The following IL1RAPL1 variants were observed in gnomAD, a reference collection of about 807,000 sequenced individuals.
IL1RAPL1 encodes interleukin-1 receptor accessory protein-like 1.
In IL1RAPL1, 3 loss-of-function variants were observed where a neutral mutation model predicts 48.4. The ratio of observed to expected loss-of-function variants is 0.06; its 90% CI spans 0.03 to 0.16. The LOEUF is 0.16. Among genes scored for constraint, IL1RAPL1 ranks in the 10% least tolerant of loss-of-function variants. The probability of loss-of-function intolerance (pLI) is 1.00; values close to 1 mark genes in which losing one functional copy is unlikely to be tolerated. For missense variants in IL1RAPL1, 349 were observed against 530.6 expected, an observed-to-expected ratio of 0.66 and a Z score of 3.36; for synonymous variants, 185 against 187.7, an observed-to-expected ratio of 0.99 and a Z score of 0.12.
intron 2 of IL1RAPL1, among the ~76,000 whole-genome samples, chrX:29,255,911 A>G (rs1569271042): frequency 8.9e-6 from 1 of 111,733 alleles, no homozygotes; most frequent in African/African-American, 3.3e-5. Context: ...CAGTGCTGCA[A>G]TAAACATATG....
At chrX:29,107,661 T>G (rs1928474806) in intron 2 of IL1RAPL1, among the ~76,000 whole-genome samples, 1 of 112,107 alleles carries the variant, frequency 8.9e-6, no homozygotes, top group African/African-American at 3.2e-5. Flanking sequence ...TTTTAAAGGA[T>G]CCACAGAAGG....
chrX:29,530,537 G>A (rs1185603968), intron 5 of IL1RAPL1, among the ~76,000 whole-genome samples: 1 of 111,820 alleles, frequency 8.9e-6, no homozygotes, highest in Non-Finnish European at 1.9e-5. Context: ...GACCCCCATC[G>A]GTCATTGACT....
At chrX:29,520,694 C>T (rs1207962769) in intron 5 of IL1RAPL1, among the ~76,000 whole-genome samples, 3 of 111,235 alleles carry the variant, frequency 2.7e-5, no homozygotes, top group African/African-American at 9.8e-5. Flanking sequence ...GTTCTTGCTC[C>T]CAAATAACAA....
chrX:28,589,245 G>A (rs778306690), intron 1 of IL1RAPL1, among the ~76,000 whole-genome samples: 21 of 111,195 alleles, frequency 1.9e-4, no homozygotes, highest in Non-Finnish European at 3.4e-4. Flanking sequence ...GTGCATAATC[G>A]GTGATTATGT....
At chrX:29,584,165 A>ATACT (rs1452998368) in intron 5 of IL1RAPL1, among the ~76,000 whole-genome samples, 29 of 111,012 alleles carry the variant, frequency 2.6e-4, no homozygotes, top group Admixed American at 1.9e-4. Context: ...GTATGTAACC[A>ATACT]CTGTCCATAC....
intron 5 of IL1RAPL1, among the ~76,000 whole-genome samples, chrX:29,428,023 A>G (rs2147709506): frequency 8.9e-6 from 1 of 112,311 alleles, no homozygotes; most frequent in Non-Finnish European, 1.9e-5. Context: ...TTAGCTTGTG[A>G]GTTTAGAAGC....
intron 1 of IL1RAPL1, among the ~76,000 whole-genome samples, chrX:28,765,076 T>C (rs1936220141): frequency 9.6e-6 from 1 of 104,047 alleles, no homozygotes; most frequent in South Asian, 4.4e-4. Context: ...CACCACATGT[T>C]CTCACTCATA....
Position 29,356,546 on chromosome X carries a change from G to A in IL1RAPL1, c.363-39712G>A, listed in dbSNP as rs1282688946. On this transcript the variant is annotated intron_variant, in intron 3 of 10. Coordinates refer to ENST00000378993, the MANE Select transcript of IL1RAPL1 (RefSeq NM_014271.4). ...ATATTTTGTGCATATATACACACAC[G>A]TGCGTATGTATGTGTGACACATACA... Among the ~76,000 whole-genome samples the A allele has an allele frequency of 6.2e-5, 5 of 80,458 alleles. No homozygotes were observed. The South Asian group carries it at 2.3e-3, about 36-fold the overall frequency. 69.9% of individuals were successfully genotyped at this position (80,458 alleles called of 115,157 possible). A position where few individuals can be genotyped will look rare whatever the true frequency, so the allele number is the denominator to read the frequency against.
intron 5 of IL1RAPL1, among the ~76,000 whole-genome samples, chrX:29,421,683 G>A (rs1338388973): frequency 4.5e-5 from 5 of 111,700 alleles, no homozygotes; most frequent in African/African-American, 1.6e-4. Context: ...AACTCATTAA[G>A]CTGTCCTTTA....
intron 1 of IL1RAPL1, among the ~76,000 whole-genome samples, chrX:28,628,954 T>G (rs2146892250): frequency 8.9e-6 from 1 of 112,346 alleles, no homozygotes; most frequent in South Asian, 3.7e-4. Context: ...TAAAACTTTT[T>G]TAGGGCTTTG....
chrX:28,787,629 C>T (rs1936488184), intron 1 of IL1RAPL1, among the ~76,000 whole-genome samples: 1 of 111,433 alleles, frequency 9.0e-6, no homozygotes, highest in African/African-American at 3.3e-5. Flanking sequence ...GATGGTGACA[C>T]CTTGCCACAG....
At position 29,803,012 on chromosome X, in the gene IL1RAPL1, T is replaced by TATATACATAC. The variant is rs1569173398; in HGVS notation, c.779-114450_779-114449insATACATACAT. On this transcript the variant is annotated intron_variant, in intron 6 of 10. Coordinates refer to ENST00000378993, the MANE Select transcript of IL1RAPL1 (RefSeq NM_014271.4). Reference sequence around the variant, plus strand: ...ACATATATATGTATGCATATATACATATGTGTACATATACATGTATGCATA... The same window carrying TATATACATAC: ...ACATATATATGTATGCATATATACATATATACATACATGTGTACATATACATGTATGCATA... 4.4e-4 allele frequency among the ~76,000 whole-genome samples: 19 copies of TATATACATAC among 43,342 alleles called. 1 individual carries two copies. The highest frequency in any genetic ancestry group is 2.0e-3 in the African/African-American group (19 of 9,675). 37.6% of individuals were successfully genotyped at this position (43,342 alleles called of 115,157 possible).
intron 6 of IL1RAPL1, among the ~76,000 whole-genome samples, chrX:29,852,089 C>T (rs760759369): frequency 1.8e-5 from 2 of 112,685 alleles, no homozygotes; most frequent in South Asian, 7.2e-4. Context: ...GCAATGAAAA[C>T]GTAAATGAAT....
At chrX:29,612,928 T>C (rs147822179) in intron 5 of IL1RAPL1, among the ~76,000 whole-genome samples, 2 of 112,354 alleles carry the variant, frequency 1.8e-5, no homozygotes, top group East Asian at 5.6e-4. Flanking sequence ...GTACTGAGAA[T>C]AAACAAATGA....
At chrX:29,490,852 G>GTGTGTATATATATATATATATACGTATA (rs1556022575) in intron 5 of IL1RAPL1, among the ~76,000 whole-genome samples, 1 of 93,675 alleles carries the variant, frequency 1.1e-5, no homozygotes, top group African/African-American at 5.0e-5. Context: ...GTGTGTGTGT[G>GTGTGTATATATATATATATATACGTATA]TATATATATA....
intron 1 of IL1RAPL1, among the ~76,000 whole-genome samples, chrX:28,669,603 G>A (rs1216236045): frequency 2.8e-5 from 3 of 105,728 alleles, no homozygotes; most frequent in Non-Finnish European, 3.9e-5. Context: ...GGGTGACAGA[G>A]TGAGAGGCTC....
intron 6 of IL1RAPL1, among the ~76,000 whole-genome samples, chrX:29,907,275 TTC>T (rs919509357): frequency 1.8e-5 from 2 of 111,551 alleles, no homozygotes; most frequent in South Asian, 3.7e-4. Flanking sequence ...TTCATAATCA[TTC>T]TGTTTTTTCT....
intron 3 of IL1RAPL1, among the ~76,000 whole-genome samples, chrX:29,366,757 C>T (rs900330753): frequency 2.8e-5 from 3 of 107,588 alleles, no homozygotes; most frequent in Admixed American, 1.0e-4. Flanking sequence ...TTAGTAGAGA[C>T]GGGGTTTCAC....
intron 3 of IL1RAPL1, among the ~76,000 whole-genome samples, chrX:29,367,032 A>T (rs1242900952): frequency 9.0e-6 from 1 of 111,650 alleles, no homozygotes; most frequent in East Asian, 2.8e-4. Flanking sequence ...TGATCTAGTG[A>T]TATAGTTTAT....
Sources: allele counts gnomAD v4.1 joint callset (sites outside exome capture counted in the v4.1 genomes callset), GRCh38; gene constraint gnomAD v4.1.1; transcripts MANE v1.5; gene names NCBI Gene and HGNC (gene_info 2026-07-23, HGNC 2026-07-21).